The following EPC2 variants were observed in gnomAD, a reference collection of about 807,000 sequenced individuals.
The protein encoded by EPC2 is enhancer of polycomb 2.
Under a neutral mutation model 92.1 loss-of-function variants are expected in EPC2, and 14 were observed. That is an observed-to-expected ratio of 0.15 (90% confidence interval 0.10 to 0.24). The LOEUF (loss-of-function observed/expected upper bound fraction) is 0.24, where lower values mean the gene tolerates loss of function less well. Ranked by LOEUF, EPC2 falls within the 10% of genes least tolerant of loss-of-function variation. The probability of loss-of-function intolerance (pLI) is 1.00; values close to 1 mark genes in which losing one functional copy is unlikely to be tolerated. For synonymous variants in EPC2, 340 were observed against 334.7 expected, an observed-to-expected ratio of 1.02 and a Z score of -0.17; for missense variants, 755 against 971.5, an observed-to-expected ratio of 0.78 and a Z score of 2.96.
At chr2:148,656,001 C>CTGTGTTTGTGTGTGTGTG (rs777687880) in intron 1 of EPC2, among the ~76,000 whole-genome samples, 1 of 59,904 alleles carries the variant, frequency 1.7e-5, no homozygotes, top group African/African-American at 6.4e-5. Context: ...CTGCTGTTAG[C>CTGTGTTTGTGTGTGTGTG]TGTGTGTGTG....
intron 2 of EPC2, among the ~76,000 whole-genome samples, chr2:148,723,474 A>G (rs1199690145): frequency 6.6e-6 from 1 of 152,136 alleles, no homozygotes; most frequent in Non-Finnish European, 1.5e-5. Flanking sequence ...ATTGGTTTTC[A>G]GGAGGGTTTC....
intron 1 of EPC2, among the ~76,000 whole-genome samples, chr2:148,654,607 G>C (rs189442621): frequency 4.7e-4 from 71 of 152,266 alleles, no homozygotes; most frequent in Non-Finnish European, 8.4e-4. Context: ...GCAGTGAACT[G>C]TGATAGCGCC....
At chr2:148,769,032 TTATGA>T (rs772911597) in intron 7 of EPC2, 114 bp from the exon 8 acceptor site, 227 of 696,910 alleles carry the variant, frequency 3.3e-4, no homozygotes, top group African/African-American at 6.8e-4. Flanking sequence ...AATTCAGTAC[TTATGA>T]TATGTAATAT....
intron 10 of EPC2, among the ~76,000 whole-genome samples, chr2:148,779,295 A>G (rs993431557): frequency 2.0e-5 from 3 of 152,156 alleles, no homozygotes; most frequent in Non-Finnish European, 4.4e-5. Context: ...AAAAGTAGCA[A>G]TTTGGGCTGG....
At chr2:148,767,208 A>T (rs1358595544) in intron 7 of EPC2, among the ~76,000 whole-genome samples, 1 of 152,036 alleles carries the variant, frequency 6.6e-6, no homozygotes, top group Admixed American at 6.5e-5. Flanking sequence ...AAAAAAAAAA[A>T]AAAAAAATGA....
chr2:148,727,732 T>A (rs1451918216), intron 2 of EPC2, among the ~76,000 whole-genome samples: 2 of 152,222 alleles, frequency 1.3e-5, no homozygotes, highest in Non-Finnish European at 2.9e-5. Context: ...TGTGGGAGAA[T>A]CTCAGATGAT....
chr2:148,733,452 A>G (rs1489638161), intron 2 of EPC2, among the ~76,000 whole-genome samples: 1 of 44,856 alleles, frequency 2.2e-5, no homozygotes, highest in African/African-American at 8.5e-5. Flanking sequence ...TTTTATTATT[A>G]CCTTTCTCTT....
intron 1 of EPC2, among the ~76,000 whole-genome samples, chr2:148,662,516 A>G (rs971048870): frequency 6.6e-6 from 1 of 152,212 alleles, no homozygotes; most frequent in African/African-American, 2.4e-5. Context: ...TGTCCTTTGT[A>G]GGGACATGGA....
intron 1 of EPC2, among the ~76,000 whole-genome samples, chr2:148,666,131 T>G (rs926682633): frequency 2.6e-5 from 4 of 152,116 alleles, no homozygotes; most frequent in African/African-American, 9.7e-5. Context: ...AGTTTTTGTG[T>G]TGTTGTTTTT....
chr2:148,746,965 A>T (rs1361063770), intron 3 of EPC2, among the ~76,000 whole-genome samples: 1 of 152,174 alleles, frequency 6.6e-6, no homozygotes, highest in Admixed American at 6.5e-5. Flanking sequence ...AATATTTGAG[A>T]TTAAAGTTAA....
chr2:148,732,648 T>G (rs1405413580), intron 2 of EPC2, among the ~76,000 whole-genome samples: 1 of 152,164 alleles, frequency 6.6e-6, no homozygotes, highest in Non-Finnish European at 1.5e-5. Flanking sequence ...TCCAAAGTGC[T>G]GGGATTACAG....
At chr2:148,736,925 C>T (rs1682769008) in intron 2 of EPC2, among the ~76,000 whole-genome samples, 1 of 150,980 alleles carries the variant, frequency 6.6e-6, no homozygotes. Flanking sequence ...CATGGTGAAA[C>T]CCCATTTCTA....
At chr2:148,696,910 GT>G (rs1681758616) in intron 2 of EPC2, among the ~76,000 whole-genome samples, 1 of 152,120 alleles carries the variant, frequency 6.6e-6, no homozygotes. Context: ...TTTCTCATAT[GT>G]TTATTTCTTG....
At chr2:148,754,508 A>G (rs1166086305) in intron 4 of EPC2, among the ~76,000 whole-genome samples, 1 of 152,138 alleles carries the variant, frequency 6.6e-6, no homozygotes, top group Non-Finnish European at 1.5e-5. Context: ...TCTATCACAG[A>G]TCTCCTGTGT....
At chr2:148,749,517 A>G (rs2105412779) in intron 3 of EPC2, among the ~76,000 whole-genome samples, 1 of 151,252 alleles carries the variant, frequency 6.6e-6, no homozygotes, top group East Asian at 1.9e-4. Context: ...TTAATTGTTT[A>G]CTTGATACTG....
chr2:148,683,167 T>C (rs542015767), intron 1 of EPC2, among the ~76,000 whole-genome samples: 191 of 152,228 alleles, frequency 1.3e-3, no homozygotes, highest in South Asian at 3.3e-3. Flanking sequence ...TCTGAGATTT[T>C]GGTGCACCCA....
chr2:148,652,456 T>C (rs1030764820), intron 1 of EPC2, among the ~76,000 whole-genome samples: 6 of 152,172 alleles, frequency 3.9e-5, no homozygotes, highest in Admixed American at 3.3e-4. Flanking sequence ...AAAAGCAAAC[T>C]CTTCACACTT....
chr2:148,774,211 C>T (rs1321541364), intron 10 of EPC2, among the ~76,000 whole-genome samples: 4 of 152,036 alleles, frequency 2.6e-5, no homozygotes, highest in African/African-American at 9.7e-5. Flanking sequence ...AGTTCTTAAA[C>T]AAAAATTAAA....
chr2:148,730,914 A>G (rs1682606585), intron 2 of EPC2, among the ~76,000 whole-genome samples: 1 of 152,176 alleles, frequency 6.6e-6, no homozygotes, highest in African/African-American at 2.4e-5. Flanking sequence ...ATATAACTTC[A>G]TTGAACATAT....
Sources: allele counts gnomAD v4.1 joint callset (sites outside exome capture counted in the v4.1 genomes callset), GRCh38; gene constraint gnomAD v4.1.1; transcripts MANE v1.5; gene names NCBI Gene and HGNC (gene_info 2026-07-23, HGNC 2026-07-21).